The following NRG1 variants were observed in gnomAD, a reference collection of about 807,000 sequenced individuals.
NRG1 encodes pro-neuregulin-1, membrane-bound isoform.
In NRG1, 18 loss-of-function variants were observed where a neutral mutation model predicts 63.8. The observed-to-expected ratio is 0.28, with a 90% CI of 0.19 to 0.42. NRG1 has a LOEUF of 0.42. NRG1 is among the 10% of genes least tolerant of loss of function. The pLI is 1.00. For synonymous variants in NRG1, 302 were observed against 301.3 expected (o/e 1.00, Z -0.02); for missense variants, 762 against 814.7 (o/e 0.94, Z 0.79).
rs3735774 is a variant in NRG1 at position 32,647,853 on chromosome 8, G to A, written c.502+30968G>A. 3,771 of 1,614,042 alleles carry A rather than the reference G, an allele frequency of 2.3e-3. 136 individuals carry two copies. The East Asian group carries it at 0.074, about 32-fold the overall frequency. ...CATGCCAGAGCCCCAGACTGAAGATGGGAGAACCCCTGGACTCGTGGGCCT... is the reference window on the plus strand; with the variant it reads ...CATGCCAGAGCCCCAGACTGAAGATAGGAGAACCCCTGGACTCGTGGGCCT... On this transcript the variant is annotated intron_variant, in intron 5 of 11. Coordinates refer to ENST00000356819, the Ensembl canonical transcript of NRG1.
At chr8:31,756,889 G>C (rs1364135380) in intron 1 of NRG1, among the ~76,000 whole-genome samples, 1 of 152,086 alleles carries the variant, frequency 6.6e-6, no homozygotes, top group Non-Finnish European at 1.5e-5. Context: ...TATCTTAGCA[G>C]TCATCTTCTT....
intron 1 of NRG1, among the ~76,000 whole-genome samples, chr8:31,852,196 A>C (rs1344533511): frequency 2.0e-5 from 3 of 152,162 alleles, no homozygotes; most frequent in Non-Finnish European, 4.4e-5. Context: ...CAACTTCCAC[A>C]ATGGTTGAAC....
At chr8:32,007,583 G>T (rs1813978787) in intron 1 of NRG1, among the ~76,000 whole-genome samples, 1 of 152,056 alleles carries the variant, frequency 6.6e-6, no homozygotes, top group Non-Finnish European at 1.5e-5. Flanking sequence ...GCTTGAATAG[G>T]TGTAATTATT....
intron 1 of NRG1, among the ~76,000 whole-genome samples, chr8:31,718,811 T>A (rs554524699): frequency 3.9e-5 from 6 of 152,160 alleles, no homozygotes; most frequent in Non-Finnish European, 8.8e-5. Context: ...GCAATGAGAT[T>A]TTTCTTAGAT....
intron 1 of NRG1, among the ~76,000 whole-genome samples, chr8:31,667,396 G>A (rs1806662066): frequency 6.6e-6 from 1 of 152,210 alleles, no homozygotes; most frequent in African/African-American, 2.4e-5. Context: ...TATATGCCAA[G>A]CACTGTGAGT....
At chr8:31,666,224 T>C (rs1806526016) in intron 1 of NRG1, among the ~76,000 whole-genome samples, 2 of 152,174 alleles carry the variant, frequency 1.3e-5, no homozygotes, top group South Asian at 4.1e-4. Flanking sequence ...GAGGCTGAAA[T>C]TGAGAGAAGG....
At chr8:32,388,637 G>C in intron 1 of NRG1, among the ~76,000 whole-genome samples, 1 of 139,702 alleles carries the variant, frequency 7.2e-6, no homozygotes, top group East Asian at 2.0e-4. Flanking sequence ...CATCCATTTG[G>C]TTACTGATTA....
At chr8:31,893,782 C>T in intron 1 of NRG1, among the ~76,000 whole-genome samples, 1 of 151,826 alleles carries the variant, frequency 6.6e-6, no homozygotes, top group Non-Finnish European at 1.5e-5. Context: ...AAATATATAA[C>T]ACTTTTGGAC....
intron 1 of NRG1, among the ~76,000 whole-genome samples, chr8:32,459,382 T>C (rs923026319): frequency 6.6e-6 from 1 of 152,202 alleles, no homozygotes; most frequent in Non-Finnish European, 1.5e-5. Flanking sequence ...CTCTCTTGCA[T>C]AGTTTAGCGG....
At chr8:32,234,354 G>A (rs1002615627) in intron 1 of NRG1, among the ~76,000 whole-genome samples, 9 of 152,150 alleles carry the variant, frequency 5.9e-5, no homozygotes, top group Admixed American at 3.3e-4. Context: ...GCATTTATGA[G>A]CAATCATGCA....
At chr8:31,952,844 A>G (rs562405875) in intron 1 of NRG1, among the ~76,000 whole-genome samples, 66 of 152,356 alleles carry the variant, frequency 4.3e-4, no homozygotes, top group African/African-American at 4.1e-4. Flanking sequence ...CTAACATGCT[A>G]TGCCATCATT....
At chr8:31,987,465 C>T (rs909694524) in intron 1 of NRG1, among the ~76,000 whole-genome samples, 11 of 151,580 alleles carry the variant, frequency 7.3e-5, no homozygotes, top group Admixed American at 5.9e-4. Flanking sequence ...AGCTGGAGGC[C>T]ATTACCCTCA....
chr8:31,856,693 T>A (rs376835864), intron 1 of NRG1, among the ~76,000 whole-genome samples: 1 of 152,192 alleles, frequency 6.6e-6, no homozygotes, highest in Admixed American at 6.5e-5. Flanking sequence ...GTCGCTCTGC[T>A]TTTTAGAGTT....
intron 1 of NRG1, among the ~76,000 whole-genome samples, chr8:32,017,644 A>G (rs1335272845): frequency 6.6e-6 from 1 of 152,216 alleles, no homozygotes; most frequent in Non-Finnish European, 1.5e-5. Context: ...TGAATTTGCT[A>G]GAGTAGCTAA....
chr8:32,260,730 A>G (rs1850271069), intron 1 of NRG1, among the ~76,000 whole-genome samples: 1 of 152,172 alleles, frequency 6.6e-6, no homozygotes, highest in Non-Finnish European at 1.5e-5. Context: ...ATGGCTAGCA[A>G]AAGGAAATCT....
chr8:31,896,648 T>TCAGCC (rs2129614673), intron 1 of NRG1, among the ~76,000 whole-genome samples: 1 of 152,336 alleles, frequency 6.6e-6, no homozygotes, highest in African/African-American at 2.4e-5. Context: ...ATTCAGTTGA[T>TCAGCC]CTGGGCCCTG....
At chr8:32,133,898 A>T (rs917065843) in intron 1 of NRG1, among the ~76,000 whole-genome samples, 1 of 152,184 alleles carries the variant, frequency 6.6e-6, no homozygotes, top group Non-Finnish European at 1.5e-5. Flanking sequence ...GGTTGAAAAT[A>T]CTTTTATGGG....
At chr8:32,077,372 C>G (rs186434280) in intron 1 of NRG1, among the ~76,000 whole-genome samples, 63 of 151,990 alleles carry the variant, frequency 4.1e-4, no homozygotes, top group African/African-American at 1.4e-3. Flanking sequence ...ATCCCCTCCC[C>G]CCCAAAAAAT....
At chr8:32,198,464 C>T (rs1257798087) in intron 1 of NRG1, among the ~76,000 whole-genome samples, 1 of 152,202 alleles carries the variant, frequency 6.6e-6, no homozygotes, top group African/African-American at 2.4e-5. Flanking sequence ...AGGTGTGAGC[C>T]ACCATGCCTG....
Sources: gnomAD v4.1 joint callset for allele counts (sites outside exome capture counted in the v4.1 genomes callset) on GRCh38, gnomAD v4.1.1 for gene constraint, MANE v1.5 for transcripts, NCBI Gene and HGNC (gene_info 2026-07-23, HGNC 2026-07-21) for gene names.